Variants in KCNN2 observed in about 807,000 individuals in gnomAD.
The protein encoded by KCNN2 is small conductance calcium-activated potassium channel protein 2.
In KCNN2, 24 loss-of-function variants were observed where a neutral mutation model predicts 55.5. The ratio of observed to expected loss-of-function variants is 0.43; its 90% confidence interval spans 0.31 to 0.61. The LOEUF (loss-of-function observed/expected upper bound fraction) is 0.61. Ranked by LOEUF, KCNN2 falls within the 20% of genes least tolerant of loss-of-function variation. The pLI is 0.08. For missense variants in KCNN2, 754 were observed against 853.6 expected (o/e 0.88, Z 1.45); for synonymous variants, 431 against 336.1 (o/e 1.28, Z -3.09).
intron 2 of KCNN2, among the ~76,000 whole-genome samples, chr5:114,328,378 C>T (rs561258783): frequency 3.6e-4 from 55 of 152,186 alleles, no homozygotes; most frequent in African/African-American, 1.2e-3. Context: ...GATAAAGCCA[C>T]GAAGTAGCAA....
At chr5:114,072,852 A>G (rs1236528969) in intron 1 of KCNN2, among the ~76,000 whole-genome samples, 2 of 152,234 alleles carry the variant, frequency 1.3e-5, no homozygotes, top group South Asian at 4.1e-4. Context: ...TAACAAGTGA[A>G]TATTTTAAAG....
chr5:114,271,455 A>G lies in KCNN2; in HGVS notation c.-185+49890A>G, dbSNP rs191174640. On this transcript the variant is annotated intron_variant, in intron 2 of 10. Coordinates refer to the KCNN2 transcript ENST00000512097. ...CCGGCCAGCTTCACCTCTCATTACTACTAAATAAATAGTGTAAAAACTTGA... is the reference window on the plus strand; with the variant it reads ...CCGGCCAGCTTCACCTCTCATTACTGCTAAATAAATAGTGTAAAAACTTGA... 1.7e-4 allele frequency among the ~76,000 whole-genome samples: 26 copies of G among 152,310 alleles called. No homozygotes were observed. The East Asian group carries it at 4.8e-3, about 28-fold the overall frequency.
At position 114,363,039 on chromosome 5, in the gene KCNN2, C is replaced by T; in HGVS notation, c.900C>T (p.Gly300=). The T allele has an allele frequency of 1.2e-6, 2 of 1,605,858 alleles. No individual in the cohort carries two copies. Residue 300 remains glycine (G), a synonymous_variant, in exon 1 of 8, where the codon GGC becomes GGT. Transcript: ENST00000673685. ...CGCTCTATGGAACCGGCGGCGGAGG[C>T]AGCACTGGAGGAGGCGGCGGCGGTG... ...NLALYGTGGG[G]STGGGGGGGG...
chr5:114,102,570 G>A (rs948306427), intron 1 of KCNN2, among the ~76,000 whole-genome samples: 2 of 152,058 alleles, frequency 1.3e-5, no homozygotes, highest in Non-Finnish European at 1.5e-5. Context: ...ATGGTTTTAG[G>A]TATTATGTTT....
intron 1 of KCNN2, among the ~76,000 whole-genome samples, chr5:114,109,024 T>C (rs1751542717): frequency 6.6e-6 from 1 of 151,364 alleles, no homozygotes; most frequent in African/African-American, 2.4e-5. Flanking sequence ...TTCTCACCAA[T>C]TTGGTGTTGT....
At chr5:114,080,596 C>G in intron 1 of KCNN2, among the ~76,000 whole-genome samples, 1 of 152,138 alleles carries the variant, frequency 6.6e-6, no homozygotes, top group South Asian at 2.1e-4. Context: ...CTGATCATCT[C>G]AATTGATTTA....
At chr5:114,217,848 A>T (rs1580629264) in intron 1 of KCNN2, among the ~76,000 whole-genome samples, 2 of 152,322 alleles carry the variant, frequency 1.3e-5, no homozygotes, top group East Asian at 3.9e-4. Flanking sequence ...TTTAAAAGAC[A>T]CATCTGATAA....
chr5:114,130,867 A>G (rs148406995), intron 1 of KCNN2, among the ~76,000 whole-genome samples: 100 of 152,318 alleles, frequency 6.6e-4, no homozygotes, highest in Middle Eastern at 6.8e-3. Flanking sequence ...CGCCTTGCAC[A>G]GCAGTCATTC....
At chr5:114,416,367 C>G (rs1263747545) in intron 3 of KCNN2, among the ~76,000 whole-genome samples, 1 of 152,022 alleles carries the variant, frequency 6.6e-6, no homozygotes, top group Non-Finnish European at 1.5e-5. Context: ...AGGGATGTAG[C>G]TAGACATTGT....
At chr5:114,094,080 T>C (rs534570017) in intron 1 of KCNN2, among the ~76,000 whole-genome samples, 1 of 152,168 alleles carries the variant, frequency 6.6e-6, no homozygotes, top group African/African-American at 2.4e-5. Context: ...TATTTGTTTG[T>C]TTGGGTTGTT....
chr5:114,479,473 C>A (rs1418553950), intron 5 of KCNN2, among the ~76,000 whole-genome samples: 1 of 152,150 alleles, frequency 6.6e-6, no homozygotes, highest in African/African-American at 2.4e-5. Context: ...GACTTTAATA[C>A]CTCACTGTCA....
chr5:114,302,069 C>T (rs1218759481), intron 2 of KCNN2, among the ~76,000 whole-genome samples: 3 of 152,140 alleles, frequency 2.0e-5, no homozygotes, highest in Non-Finnish European at 4.4e-5. Flanking sequence ...GTTCTACCTT[C>T]CTAAAAACTG....
At chr5:114,153,593 G>C (rs895024745) in intron 1 of KCNN2, among the ~76,000 whole-genome samples, 6 of 152,198 alleles carry the variant, frequency 3.9e-5, no homozygotes, top group Non-Finnish European at 8.8e-5. Context: ...CTGTGAGAAA[G>C]GTCAGGTAAC....
intron 2 of KCNN2, among the ~76,000 whole-genome samples, chr5:114,355,064 G>C (rs1454009188): frequency 1.3e-5 from 2 of 152,116 alleles, no homozygotes; most frequent in African/African-American, 4.8e-5. Context: ...ATTTAACTTA[G>C]CAAATTGTGG....
intron 3 of KCNN2, among the ~76,000 whole-genome samples, chr5:114,438,981 T>G (rs1337834039): frequency 6.6e-6 from 1 of 152,194 alleles, no homozygotes; most frequent in Non-Finnish European, 1.5e-5. Context: ...ACAACATATT[T>G]TAACTGTAAA....
intron 1 of KCNN2, among the ~76,000 whole-genome samples, chr5:114,113,666 G>A (rs1221095719): frequency 6.6e-6 from 1 of 152,066 alleles, no homozygotes; most frequent in East Asian, 1.9e-4. Flanking sequence ...ACAAGGCAAA[G>A]GAAAGATTTT....
At chr5:114,212,530 A>G (rs1440152931) in intron 1 of KCNN2, among the ~76,000 whole-genome samples, 1 of 152,102 alleles carries the variant, frequency 6.6e-6, no homozygotes, top group Non-Finnish European at 1.5e-5. Flanking sequence ...AATGAATTAT[A>G]TATCAATAAA....
intron 7 of KCNN2, among the ~76,000 whole-genome samples, chr5:114,494,027 A>C (rs1747988212): frequency 6.6e-6 from 1 of 152,176 alleles, no homozygotes; most frequent in Admixed American, 6.5e-5. Flanking sequence ...TAAAAAGTAC[A>C]TTAACAGTCT....
chr5:114,100,260 A>G (rs13190004), intron 1 of KCNN2, among the ~76,000 whole-genome samples: 29,452 of 152,102 alleles, frequency 0.19, 3,071 homozygotes, highest in African/African-American at 0.27. Flanking sequence ...AAATAACTAC[A>G]AAGAAGAAAA....
Sources: allele counts gnomAD v4.1 joint callset (sites outside exome capture counted in the v4.1 genomes callset), GRCh38; gene constraint gnomAD v4.1.1; transcripts MANE v1.5; gene names NCBI Gene and HGNC (gene_info 2026-07-23, HGNC 2026-07-21).